The following HACD2 variants were observed in gnomAD, a reference collection of about 807,000 sequenced individuals.
HACD2 encodes 3-hydroxyacyl-CoA dehydratase 2.
In HACD2, 15 loss-of-function variants were observed where a neutral mutation model predicts 31.0. That is an observed-to-expected ratio of 0.48 (90% CI 0.32 to 0.75). HACD2 has a LOEUF of 0.75. HACD2 is among the 30% of genes least tolerant of loss of function. The pLI, the probability that HACD2 is intolerant of heterozygous loss-of-function variation, is 0.03. For missense variants in HACD2, 283 were observed against 313.0 expected (o/e 0.90, Z 0.72); for synonymous variants, 115 against 122.2 (o/e 0.94, Z 0.39).
At chr3:123,561,442 T>C (rs2056727880) in intron 3 of HACD2, among the ~76,000 whole-genome samples, 1 of 152,118 alleles carries the variant, frequency 6.6e-6, no homozygotes, top group East Asian at 1.9e-4. Flanking sequence ...AATACTAAGC[T>C]TTAGATATAA....
At chr3:123,529,596 C>T (rs13071096) in intron 3 of HACD2, among the ~76,000 whole-genome samples, 5,775 of 152,142 alleles carry the variant, frequency 0.038, 699 homozygotes, top group East Asian at 0.35. Flanking sequence ...GCCATGGTAG[C>T]GTACGCCTCT....
At chr3:123,497,373 G>A (rs2055846583) in intron 6 of HACD2, among the ~76,000 whole-genome samples, 1 of 152,198 alleles carries the variant, frequency 6.6e-6, no homozygotes, top group Non-Finnish European at 1.5e-5. Flanking sequence ...GGGACGAGGG[G>A]GGTGTGGGTG....
chr3:123,502,719 G>T, intron 4 of HACD2, 38 bp from the exon 5 acceptor site: 2 of 1,563,202 alleles, frequency 1.3e-6, no homozygotes, highest in Non-Finnish European at 1.7e-6. Context: ...AAAACACACA[G>T]ACAACGTTAA....
chr3:123,548,625 G>GA (rs1553760925), intron 3 of HACD2, among the ~76,000 whole-genome samples: 2 of 151,336 alleles, frequency 1.3e-5, no homozygotes, highest in African/African-American at 4.9e-5. Context: ...ATCAGAGCCA[G>GA]TTTTTTTTTC....
At chr3:123,524,504 T>C (rs2056254582) in intron 4 of HACD2, among the ~76,000 whole-genome samples, 1 of 152,198 alleles carries the variant, frequency 6.6e-6, no homozygotes, top group Non-Finnish European at 1.5e-5. Flanking sequence ...GTACATCTGA[T>C]GTACAGATGA....
Position 123,494,877 on chromosome 3 carries a change from G to C in HACD2, c.*11C>G. ...AAAGTTTGTTTTGGTGGGAGGTGCAGAAAGCAGGAACTATTCAAATTTCTT... is the reference window on the plus strand; with the variant it reads ...AAAGTTTGTTTTGGTGGGAGGTGCACAAAGCAGGAACTATTCAAATTTCTT... On this transcript the variant is annotated 3_prime_UTR_variant, in exon 7 of 7. Transcript: ENST00000383657. 1 of 1,532,478 alleles carries C rather than the reference G, an allele frequency of 6.5e-7. No individual in the cohort carries two copies. The highest frequency in any genetic ancestry group is 8.9e-7 in the Non-Finnish European group (1 of 1,129,408). 94.9% of individuals were successfully genotyped at this position (1,532,478 alleles called of 1,614,324 possible).
chr3:123,566,740 T>C (rs2107746978), intron 3 of HACD2, among the ~76,000 whole-genome samples: 1 of 152,072 alleles, frequency 6.6e-6, no homozygotes, highest in South Asian at 2.1e-4. Context: ...CTACTAAAAA[T>C]ACAAAAATTA....
intron 2 of HACD2, among the ~76,000 whole-genome samples, chr3:123,580,605 G>C (rs1273884382): frequency 6.6e-6 from 1 of 151,918 alleles, no homozygotes; most frequent in Non-Finnish European, 1.5e-5. Flanking sequence ...GCAACACAGG[G>C]AGACCCTGTC....
intron 1 of HACD2, among the ~76,000 whole-genome samples, chr3:123,583,995 T>C (rs1427314156): frequency 6.6e-6 from 1 of 152,230 alleles, no homozygotes; most frequent in Non-Finnish European, 1.5e-5. Flanking sequence ...AAATTACAAA[T>C]GAAGATAACT....
At chr3:123,553,840 G>C (rs999198841) in intron 3 of HACD2, among the ~76,000 whole-genome samples, 1 of 151,942 alleles carries the variant, frequency 6.6e-6, no homozygotes, top group African/African-American at 2.4e-5. Context: ...CATGTTTTCT[G>C]TCAGGATCCA....
intron 3 of HACD2, among the ~76,000 whole-genome samples, chr3:123,542,134 G>A (rs1325946241): frequency 3.7e-5 from 3 of 81,054 alleles, no homozygotes; most frequent in East Asian, 4.2e-4. Context: ...GCGACAGAGC[G>A]AGACTCCGTC....
At chr3:123,580,246 A>G (rs929267521) in intron 2 of HACD2, among the ~76,000 whole-genome samples, 2 of 152,206 alleles carry the variant, frequency 1.3e-5, no homozygotes, top group Non-Finnish European at 2.9e-5. Context: ...AGCAAAATGG[A>G]TAACTTTCTG....
intron 4 of HACD2, among the ~76,000 whole-genome samples, chr3:123,506,678 TC>T (rs2055979431): frequency 6.6e-6 from 1 of 151,996 alleles, no homozygotes; most frequent in African/African-American, 2.4e-5. Flanking sequence ...CAAGTGATCC[TC>T]CCTCCTCGGC....
At chr3:123,540,095 A>G (rs1044628902) in intron 3 of HACD2, among the ~76,000 whole-genome samples, 2 of 151,148 alleles carry the variant, frequency 1.3e-5, no homozygotes, top group African/African-American at 4.9e-5. Flanking sequence ...AAAAAAAAAA[A>G]AAGAAAAGAA....
chr3:123,552,977 A>T (rs181426150), intron 3 of HACD2, among the ~76,000 whole-genome samples: 3 of 152,278 alleles, frequency 2.0e-5, no homozygotes, highest in African/African-American at 4.8e-5. Context: ...GGCAAAGAAG[A>T]TCCAACACAC....
intron 3 of HACD2, among the ~76,000 whole-genome samples, chr3:123,553,628 C>T (rs1028108304): frequency 2.0e-5 from 3 of 152,178 alleles, no homozygotes; most frequent in Non-Finnish European, 4.4e-5. Flanking sequence ...TCCCAAAGAG[C>T]TTCCATTTAC....
intron 3 of HACD2, among the ~76,000 whole-genome samples, chr3:123,529,662 G>C (rs974112187): frequency 6.6e-6 from 1 of 152,194 alleles, no homozygotes; most frequent in Non-Finnish European, 1.5e-5. Context: ...GGGAGGTTGA[G>C]GCTGCAGTGA....
At chr3:123,537,630 A>AT (rs373145462) in intron 3 of HACD2, among the ~76,000 whole-genome samples, 1 of 151,382 alleles carries the variant, frequency 6.6e-6, no homozygotes. Flanking sequence ...AAGTTTTAAA[A>AT]TTTTTTTTTG....
rs58214277 is a variant in HACD2, at chr3:123,543,189, T to C, written c.293-14715A>G. Among the ~76,000 whole-genome samples the C allele has an allele frequency of 0.023, 3,570 of 152,314 alleles. 233 individuals carry two copies. The East Asian group carries it at 0.25, about 11-fold the overall frequency. On this transcript the variant is annotated intron_variant, in intron 3 of 6. Transcript: ENST00000383657. Reference sequence around the variant, plus strand: ...TTCCCCCCCTCAAAATGGAAACAGTTATTTTCTTTTAGAGTTAATGAAGTA... The same window carrying C: ...TTCCCCCCCTCAAAATGGAAACAGTCATTTTCTTTTAGAGTTAATGAAGTA...
Sources: gnomAD v4.1 joint callset for allele counts (sites outside exome capture counted in the v4.1 genomes callset) on GRCh38, gnomAD v4.1.1 for gene constraint, MANE v1.5 for transcripts, NCBI Gene and HGNC (gene_info 2026-07-23, HGNC 2026-07-21) for gene names.